The following SERINC5 variants were observed in gnomAD, a reference collection of about 807,000 sequenced individuals.
The protein encoded by SERINC5 is chromosome 5 open reading frame 12.
SERINC5 carries 41 observed loss-of-function variants against 63.1 expected under a neutral mutation model. That is an observed-to-expected ratio of 0.65 (90% CI 0.51 to 0.84). The LOEUF is 0.84. Ranked by LOEUF, SERINC5 falls within the 40% of genes least tolerant of loss-of-function variation. The pLI, the probability that SERINC5 is intolerant of heterozygous loss-of-function variation, is 0.00. For synonymous variants in SERINC5, 222 were observed against 215.2 expected (o/e 1.03, Z -0.28); for missense variants, 523 against 573.0 (o/e 0.91, Z 0.89).
At chr5:80,239,041 G>A (rs144866582) in intron 1 of SERINC5, among the ~76,000 whole-genome samples, 138 of 152,290 alleles carry the variant, frequency 9.1e-4, no homozygotes, top group African/African-American at 3.1e-3. Flanking sequence ...CTAGCTGTGT[G>A]GCCTTGGAAG....
chr5:80,168,277 C>T (rs1747431946), intron 6 of SERINC5, among the ~76,000 whole-genome samples: 1 of 152,036 alleles, frequency 6.6e-6, no homozygotes, highest in South Asian at 2.1e-4. Context: ...TCACTGCAAG[C>T]CCCGCCTCCC....
In SERINC5 at chr5:80,214,432, C is replaced by A. The variant is rs188337286; in HGVS notation, c.28-11379G>T. 6.6e-5 allele frequency among the ~76,000 whole-genome samples: 10 copies of A among 152,224 alleles called. No individual in the cohort carries two copies. In the East Asian group the frequency reaches 1.7e-3, roughly 26 times the overall value. ...AAGAAAACAAAACATTCCTGTTCCA[C>A]CTCATAGGTGGTAAGCCCTCAAATA... On this transcript the variant is annotated intron_variant, in intron 1 of 11. Transcript: ENST00000507668.
At chr5:80,173,266 GAA>G (rs1561393194) in intron 5 of SERINC5, among the ~76,000 whole-genome samples, 16 of 145,836 alleles carry the variant, frequency 1.1e-4, no homozygotes, top group Non-Finnish European at 1.8e-4. Flanking sequence ...AGGAAGGAAG[GAA>G]GGAAGGAAGG....
chr5:80,254,582 G>A (rs887960168), intron 1 of SERINC5, among the ~76,000 whole-genome samples: 2 of 152,130 alleles, frequency 1.3e-5, no homozygotes, highest in Non-Finnish European at 2.9e-5. Flanking sequence ...TCATATTGGA[G>A]AAAAAGTATT....
chr5:80,242,950 C>T (rs1052449007), intron 1 of SERINC5, among the ~76,000 whole-genome samples: 1 of 152,140 alleles, frequency 6.6e-6, no homozygotes, highest in Non-Finnish European at 1.5e-5. Context: ...TACATTTCTT[C>T]CCTGCTATAC....
intron 2 of SERINC5, among the ~76,000 whole-genome samples, chr5:80,182,615 G>T (rs998415243): frequency 6.9e-6 from 1 of 144,260 alleles, no homozygotes; most frequent in Non-Finnish European, 1.5e-5. Context: ...GCGCAATCTC[G>T]CCTCACTGCA....
intron 11 of SERINC5, among the ~76,000 whole-genome samples, chr5:80,116,776 C>T (rs1744338111): frequency 6.6e-6 from 1 of 151,854 alleles, no homozygotes; most frequent in South Asian, 2.1e-4. Flanking sequence ...TAGAGCCAGG[C>T]CTCATTCCAC....
intron 1 of SERINC5, among the ~76,000 whole-genome samples, chr5:80,230,178 AAAAACCTATTGG>A (rs1266402021): frequency 1.3e-5 from 2 of 152,114 alleles, no homozygotes; most frequent in Non-Finnish European, 2.9e-5. Context: ...ACACCTGACC[AAAAACCTATTGG>A]CCAGGCACGG....
chr5:80,224,661 T>A lies in SERINC5; in HGVS notation c.28-21608A>T, dbSNP rs186054488. The stretch of plus-strand genomic sequence containing the variant: ...TTTTTTTAAAGACGGAATTTCCCTC[T>A]TGTTGCCCAGGCTGGAATGCGATGG... On this transcript the variant is annotated intron_variant, in intron 1 of 11. Coordinates refer to ENST00000507668, the MANE Select transcript of SERINC5 (RefSeq NM_001174072.3). Among the ~76,000 whole-genome samples, 29 of 152,260 alleles carry A rather than the reference T, an allele frequency of 1.9e-4. No individual in the cohort carries two copies. In the East Asian group the frequency reaches 5.4e-3, roughly 28 times the overall value.
At chr5:80,144,807 C>T (rs1745715758) in intron 11 of SERINC5, among the ~76,000 whole-genome samples, 1 of 152,128 alleles carries the variant, frequency 6.6e-6, no homozygotes, top group Admixed American at 6.5e-5. Flanking sequence ...CTCATAGAAC[C>T]GTGTGGCACA....
Position 80,160,994 on chromosome 5 carries a change from ATATATATACGTG to A in SERINC5, c.860-2044_860-2033del, listed in dbSNP as rs200098903. ...TATATGTATATATGTGTGTATATGT[ATATATATACGTG>A]TATATATACGTGTATATATATACAC... On this transcript the variant is annotated intron_variant, in intron 7 of 11. Transcript: ENST00000507668. Among the ~76,000 whole-genome samples, 112 of 146,458 alleles carry A rather than the reference ATATATATACGTG, an allele frequency of 7.6e-4. 1 individual carries two copies. In the East Asian group the frequency reaches 8.0e-3, roughly 10 times the overall value.
chr5:80,143,991 A>C, intron 11 of SERINC5, 181 bp from the exon 12 acceptor site: 2 of 704,086 alleles, frequency 2.8e-6, no homozygotes, highest in East Asian at 2.8e-5. Flanking sequence ...GAAATCATGC[A>C]CCCCTTAGGT....
intron 3 of SERINC5, 72 bp from the exon 4 acceptor site, chr5:80,177,469 AG>A: frequency 2.5e-6 from 3 of 1,190,084 alleles, no homozygotes; most frequent in Non-Finnish European, 3.7e-6. Context: ...ACCTCGTAGA[AG>A]GTACAGCATG....
chr5:80,245,183 C>T (rs1484930832), intron 1 of SERINC5, among the ~76,000 whole-genome samples: 1 of 151,876 alleles, frequency 6.6e-6, no homozygotes, highest in African/African-American at 2.4e-5. Context: ...TCTCGTACTA[C>T]AGCTGTTTTT....
intron 2 of SERINC5, among the ~76,000 whole-genome samples, chr5:80,189,164 C>T (rs183634954): frequency 3.3e-4 from 50 of 152,178 alleles, no homozygotes; most frequent in Non-Finnish European, 5.0e-4. Context: ...AAAATTTGAA[C>T]GGATACTGCC....
intron 11 of SERINC5, among the ~76,000 whole-genome samples, chr5:80,124,266 CA>C (rs1196009936): frequency 1.3e-5 from 2 of 152,202 alleles, no homozygotes; most frequent in Non-Finnish European, 2.9e-5. Context: ...CACCCCCAAC[CA>C]ATCACATAGC....
chr5:80,209,869 A>G (rs1296311108), intron 1 of SERINC5, among the ~76,000 whole-genome samples: 1 of 151,952 alleles, frequency 6.6e-6, no homozygotes, highest in Non-Finnish European at 1.5e-5. Flanking sequence ...GTAACATGGC[A>G]AAACCCCATC....
At chr5:80,243,031 C>T (rs180856529) in intron 1 of SERINC5, among the ~76,000 whole-genome samples, 203 of 152,312 alleles carry the variant, frequency 1.3e-3, no homozygotes, top group African/African-American at 4.8e-3. Flanking sequence ...CTGCAGCACC[C>T]GATTAAAGCC....
At chr5:80,205,989 A>C (rs1403984280) in intron 1 of SERINC5, among the ~76,000 whole-genome samples, 3 of 151,524 alleles carry the variant, frequency 2.0e-5, no homozygotes, top group Non-Finnish European at 2.9e-5. Flanking sequence ...AAAAAAAAAA[A>C]AAAAAACCTC....
Sources: allele counts gnomAD v4.1 joint callset (sites outside exome capture counted in the v4.1 genomes callset), GRCh38; gene constraint gnomAD v4.1.1; transcripts MANE v1.5; gene names NCBI Gene and HGNC (gene_info 2026-07-23, HGNC 2026-07-21).